The following R3HDM1 variants were observed in gnomAD, a reference collection of about 807,000 sequenced individuals.
The protein encoded by R3HDM1 is R3H domain-containing protein 1.
A neutral mutation model predicts 141.1 loss-of-function variants in R3HDM1; 46 were observed. The ratio of observed to expected loss-of-function variants is 0.33; its 90% CI spans 0.26 to 0.42. R3HDM1 has a LOEUF of 0.42. R3HDM1 is among the 10% of genes least tolerant of loss of function. The pLI, the probability that R3HDM1 is intolerant of heterozygous loss-of-function variation, is 1.00. For missense variants in R3HDM1, 1,184 were observed against 1,368.3 expected, an observed-to-expected ratio of 0.87 and a Z score of 2.12; for synonymous variants, 435 against 472.9, an observed-to-expected ratio of 0.92 and a Z score of 1.04.
chr2:135,640,324 A>C (rs546932274), intron 14 of R3HDM1, among the ~76,000 whole-genome samples: 2 of 152,296 alleles, frequency 1.3e-5, no homozygotes, highest in African/African-American at 2.4e-5. Flanking sequence ...ATTTTGCTAA[A>C]AATAGGTAAA....
At chr2:135,628,967 A>G (rs1397408589) in intron 7 of R3HDM1, among the ~76,000 whole-genome samples, 1 of 151,680 alleles carries the variant, frequency 6.6e-6, no homozygotes, top group African/African-American at 2.4e-5. Flanking sequence ...TTTTTACAGT[A>G]AGGCAATATG....
chr2:135,652,100 G>T, intron 18 of R3HDM1, 68 bp downstream of exon 18: 4 of 1,486,706 alleles, frequency 2.7e-6, no homozygotes, highest in South Asian at 2.9e-5. Flanking sequence ...TAACTTCAAA[G>T]AACTTATTTT....
In R3HDM1 at chr2:135,572,046, C is replaced by G. The variant is rs1419855926; in HGVS notation, c.-249-30454C>G. 2.0e-5 allele frequency among the ~76,000 whole-genome samples: 3 copies of G among 152,170 alleles called. No homozygotes were observed. In the East Asian group the frequency reaches 5.8e-4, roughly 29 times the overall value. The stretch of plus-strand genomic sequence containing the variant: ...TCTCGGCTCACTGCAACCTCCACCT[C>G]CCGGGTTCAAGCAATTCTCCTGCCT... On this transcript the variant is annotated intron_variant, in intron 1 of 26. Coordinates refer to ENST00000683871, the MANE Select transcript of R3HDM1 (RefSeq NM_001378107.1).
chr2:135,639,144 T>G (rs752796304), intron 14 of R3HDM1, 22 bp downstream of exon 14: 4 of 1,604,336 alleles, frequency 2.5e-6, no homozygotes, highest in Admixed American at 3.3e-5. Flanking sequence ...TACACAAAAC[T>G]GTGCAGTCAA....
intron 26 of R3HDM1, among the ~76,000 whole-genome samples, 176 bp downstream of exon 26, chr2:135,722,729 G>A (rs1323574078): frequency 6.6e-6 from 1 of 152,174 alleles, no homozygotes; most frequent in African/African-American, 2.4e-5. Flanking sequence ...CATTTGAGAT[G>A]TGAGAGTATA....
At chr2:135,536,618 C>T (rs80240809) in intron 1 of R3HDM1, 2 of 887,432 alleles carry the variant, frequency 2.3e-6, no homozygotes, top group African/African-American at 3.6e-5. Context: ...TTGATATTGT[C>T]TGATCTAAGC....
intron 7 of R3HDM1, among the ~76,000 whole-genome samples, chr2:135,629,215 C>G (rs978154807): frequency 6.6e-6 from 1 of 152,032 alleles, no homozygotes; most frequent in African/African-American, 2.4e-5. Context: ...TACCGGGAAG[C>G]TGAGGCAGGA....
At chr2:135,535,741 A>G (rs1437543178) in intron 1 of R3HDM1, among the ~76,000 whole-genome samples, 1 of 152,172 alleles carries the variant, frequency 6.6e-6, no homozygotes, top group Admixed American at 6.5e-5. Context: ...TAAGGAAGTT[A>G]TATAATTAAA....
intron 1 of R3HDM1, among the ~76,000 whole-genome samples, chr2:135,576,290 C>T (rs1206403153): frequency 3.3e-5 from 5 of 151,894 alleles, no homozygotes; most frequent in Admixed American, 1.3e-4. Context: ...ATTGCTTGAA[C>T]CCGGGACATC....
At chr2:135,713,084 G>A (rs1001693970) in intron 23 of R3HDM1, among the ~76,000 whole-genome samples, 5 of 151,784 alleles carry the variant, frequency 3.3e-5, no homozygotes, top group Non-Finnish European at 4.4e-5. Flanking sequence ...CACCTGTAGC[G>A]CTAGTTACTT....
chr2:135,548,304 A>G (rs1699158016), intron 1 of R3HDM1, among the ~76,000 whole-genome samples: 1 of 152,210 alleles, frequency 6.6e-6, no homozygotes, highest in African/African-American at 2.4e-5. Flanking sequence ...TTTCTGCCAT[A>G]TTAATCCATG....
intron 21 of R3HDM1, among the ~76,000 whole-genome samples, chr2:135,697,304 T>C (rs1379884548): frequency 6.6e-6 from 1 of 152,224 alleles, no homozygotes; most frequent in Non-Finnish European, 1.5e-5. Flanking sequence ...AATCAAAGAA[T>C]GGTTTTTAAA....
intron 1 of R3HDM1, among the ~76,000 whole-genome samples, chr2:135,563,138 A>G (rs1411552810): frequency 6.6e-6 from 1 of 152,138 alleles, no homozygotes. Flanking sequence ...ACCCCTTGCA[A>G]CTAACAAGTA....
intron 23 of R3HDM1, among the ~76,000 whole-genome samples, chr2:135,712,428 ATTTTTT>A (rs34713048): frequency 2.9e-5 from 3 of 104,036 alleles, no homozygotes; most frequent in African/African-American, 1.1e-4. Flanking sequence ...TGCCCAACTA[ATTTTTT>A]TTTTTTTTTT....
chr2:135,659,454 T>A (rs75207751), intron 18 of R3HDM1, among the ~76,000 whole-genome samples: 1 of 151,678 alleles, frequency 6.6e-6, no homozygotes, highest in Admixed American at 6.6e-5. Flanking sequence ...TTTTTTTTTT[T>A]AAGACAGGCT....
In R3HDM1 at chr2:135,531,590, C is replaced by A. The variant is rs989197790; in HGVS notation, c.-293C>A. ...CACCCACCCAGCCCCGCCGTCGCCC[C>A]GCCGCGCCGCGCTCCAACCGCCTCC... On this transcript the variant is annotated 5_prime_UTR_variant, in exon 1 of 27. Coordinates refer to ENST00000683871, the MANE Select transcript of R3HDM1 (RefSeq NM_001378107.1). 5.1e-6 allele frequency: 5 copies of A among 986,810 alleles called. No homozygotes were observed. In the African/African-American group the frequency reaches 8.7e-5, roughly 17 times the overall value. 61.1% of individuals were successfully genotyped at this position (986,810 alleles called of 1,614,324 possible). A position where few individuals can be genotyped will look rare whatever the true frequency, so the allele number is the denominator to read the frequency against.
chr2:135,656,715 C>T (rs1230116208), intron 18 of R3HDM1: 1 of 152,184 alleles, frequency 6.6e-6, no homozygotes, highest in Non-Finnish European at 1.5e-5. Flanking sequence ...TTTACATTCT[C>T]TCCGTCCTTT....
intron 21 of R3HDM1, among the ~76,000 whole-genome samples, chr2:135,698,800 A>G (rs2073683252): frequency 6.6e-6 from 1 of 151,922 alleles, no homozygotes; most frequent in Non-Finnish European, 1.5e-5. Context: ...AGCACCACAC[A>G]CTTTTTAAAG....
intron 3 of R3HDM1, among the ~76,000 whole-genome samples, chr2:135,614,100 G>A (rs1374476952): frequency 2.0e-5 from 3 of 152,168 alleles, no homozygotes. Context: ...ACAGTACCTG[G>A]TGTACAGCAG....
Sources: allele counts gnomAD v4.1 joint callset (sites outside exome capture counted in the v4.1 genomes callset), GRCh38; gene constraint gnomAD v4.1.1; transcripts MANE v1.5; gene names NCBI Gene and HGNC (gene_info 2026-07-23, HGNC 2026-07-21).